WIPI2: variants seen among roughly 807,000 people sequenced by gnomAD.
WIPI2 encodes the protein WD repeat domain, phosphoinositide interacting 2.
Under a neutral mutation model 52.3 loss-of-function variants are expected in WIPI2, and 28 were observed. The ratio of observed to expected loss-of-function variants is 0.54; its 90% CI spans 0.40 to 0.73. WIPI2 has a LOEUF of 0.73. Ranked by LOEUF, WIPI2 falls within the 30% of genes least tolerant of loss-of-function variation. WIPI2 has a pLI of 0.00. For synonymous variants in WIPI2, 268 were observed against 245.0 expected (o/e 1.09, Z -0.88); for missense variants, 506 against 602.9 (o/e 0.84, Z 1.68).
intron 2 of WIPI2, among the ~76,000 whole-genome samples, chr7:5,195,140 A>G (rs1223701903): frequency 6.6e-6 from 1 of 152,172 alleles, no homozygotes; most frequent in Non-Finnish European, 1.5e-5. Flanking sequence ...GATTGAGCCA[A>G]TACATATTTT....
At chr7:5,210,306 T>A (rs984018449) in intron 3 of WIPI2, among the ~76,000 whole-genome samples, 19 of 152,228 alleles carry the variant, frequency 1.2e-4, no homozygotes, top group Non-Finnish European at 2.8e-4. Flanking sequence ...CATCAAAATA[T>A]GTCAAGGTCG....
At chr7:5,228,305 A>G in intron 11 of WIPI2, 94 bp downstream of exon 11, 2 of 1,167,240 alleles carry the variant, frequency 1.7e-6, no homozygotes, top group Non-Finnish European at 1.2e-6. Context: ...CTTGCAAACC[A>G]GTGACATAGA....
chr7:5,196,785 G>A (rs1168088998), intron 2 of WIPI2, among the ~76,000 whole-genome samples: 1 of 151,920 alleles, frequency 6.6e-6, no homozygotes, highest in Non-Finnish European at 1.5e-5. Flanking sequence ...ACAACTGTCG[G>A]CAAAACAAGA....
chr7:5,219,870 C>T (rs191867735), intron 7 of WIPI2, among the ~76,000 whole-genome samples: 29 of 151,210 alleles, frequency 1.9e-4, no homozygotes, highest in African/African-American at 6.8e-4. Flanking sequence ...CATGCTTGCT[C>T]TGTCACCCAG....
rs757714583 is a variant in WIPI2, at chr7:5,227,403, T to G, written c.1013+59T>G. The G allele has an allele frequency of 6.3e-7, 1 of 1,582,496 alleles. No homozygotes were observed. Among genetic ancestry groups the G allele is most frequent in the Admixed American group, 1.7e-5 (1 of 57,560 alleles). On this transcript the variant is annotated intron_variant, in intron 10 of 12. Coordinates refer to ENST00000288828, the MANE Select transcript of WIPI2 (RefSeq NM_015610.4). This position sits in a 1 kb window ranked among gnomAD's most constrained non-coding sequence, Gnocchi z 8.1. ...GTGTGCCTCAGGCCGAGGGGCCCAG[T>G]CCTGGCGGCTTGTGGCCCCTTCCGT... is the stretch of plus-strand genomic sequence containing the variant.
rs867597455 is a variant in WIPI2 at position 5,227,618 on chromosome 7, G to A, written c.1013+274G>A. On this transcript the variant is annotated intron_variant, in intron 10 of 12. Coordinates refer to ENST00000288828, the MANE Select transcript of WIPI2 (RefSeq NM_015610.4). This position sits in a 1 kb window ranked among gnomAD's most constrained non-coding sequence, Gnocchi z 8.1. Reference sequence around the variant, plus strand: ...TTAAGTCAAACCTCGTGAGTGTGCCGTAGTTAACCCTTTGGGGCCACAGAA... The same window carrying A: ...TTAAGTCAAACCTCGTGAGTGTGCCATAGTTAACCCTTTGGGGCCACAGAA... Among the ~76,000 whole-genome samples the A allele has an allele frequency of 6.6e-6, 1 of 152,182 alleles. No individual in the cohort carries two copies. Among genetic ancestry groups the A allele is most frequent in the Admixed American group, 6.5e-5 (1 of 15,276 alleles).
intron 3 of WIPI2, among the ~76,000 whole-genome samples, chr7:5,209,044 G>A (rs1782431158): frequency 8.0e-6 from 1 of 124,718 alleles, no homozygotes; most frequent in Non-Finnish European, 1.6e-5. Flanking sequence ...TGGTATGGAG[G>A]TCTTACATCT....
At chr7:5,207,275 C>T (rs1487230218) in intron 3 of WIPI2, among the ~76,000 whole-genome samples, 1 of 152,128 alleles carries the variant, frequency 6.6e-6, no homozygotes. Context: ...CAAGGTTTAC[C>T]ATCACTCCAG....
chr7:5,191,206 G>C (rs1282423535), intron 1 of WIPI2, among the ~76,000 whole-genome samples: 1 of 152,052 alleles, frequency 6.6e-6, no homozygotes, highest in Non-Finnish European at 1.5e-5. Flanking sequence ...ATTTGTAGTA[G>C]AGACAGGGTT....
In WIPI2 at chr7:5,220,634, C is replaced by T. The variant is rs193210137; in HGVS notation, c.670-1968C>T. Among the ~76,000 whole-genome samples, 316 of 152,012 alleles carry T rather than the reference C, an allele frequency of 2.1e-3. 1 individual carries two copies. The highest frequency in any genetic ancestry group is 7.4e-3 in the African/African-American group (306 of 41,436). On this transcript the variant is annotated intron_variant, in intron 7 of 12. Transcript: ENST00000288828. The stretch of plus-strand genomic sequence containing the variant: ...GGGACAACAGGAACGAATCATCAGG[C>T]TTAGCTGATTTTTTTGTTTTTTGTA...
chr7:5,202,966 A>C (rs755304592), intron 3 of WIPI2, among the ~76,000 whole-genome samples: 56 of 152,198 alleles, frequency 3.7e-4, no homozygotes, highest in Non-Finnish European at 7.5e-4. Context: ...CATTTGCTAA[A>C]CTGGATTCTG....
At chr7:5,212,832 C>T (rs994645135) in intron 3 of WIPI2, among the ~76,000 whole-genome samples, 1 of 152,246 alleles carries the variant, frequency 6.6e-6, no homozygotes, top group Admixed American at 6.5e-5. Context: ...CCCTCTTTCT[C>T]GCCCACCGCC....
At chr7:5,225,383 C>T (rs1468438378) in intron 8 of WIPI2, among the ~76,000 whole-genome samples, 3 of 152,090 alleles carry the variant, frequency 2.0e-5, no homozygotes, top group East Asian at 3.9e-4. Flanking sequence ...CCTCATGATC[C>T]GCCCACCTTG....
intron 2 of WIPI2, among the ~76,000 whole-genome samples, chr7:5,196,452 G>A (rs539095694): frequency 7.2e-5 from 11 of 152,218 alleles, no homozygotes; most frequent in South Asian, 2.1e-4. Context: ...CTTTCTTAAC[G>A]GATTGGAATG....
At chr7:5,192,353 TAG>T (rs1206490711) in intron 1 of WIPI2, among the ~76,000 whole-genome samples, 1 of 152,160 alleles carries the variant, frequency 6.6e-6, no homozygotes, top group Non-Finnish European at 1.5e-5. Context: ...TTGTATAAAT[TAG>T]AGAGTTTCCA....
rs1025942615 is a variant in WIPI2, at chr7:5,223,145, C to T, written c.740+473C>T. Among the ~76,000 whole-genome samples, 37 of 152,226 alleles carry T rather than the reference C, an allele frequency of 2.4e-4. 1 individual carries two copies. Among genetic ancestry groups the T allele is most frequent in the Non-Finnish European group, 8.8e-5 (6 of 68,036 alleles). ...TTCCTCCCTCCAGGCTGCAAAGCTT[C>T]CCTCATCGGTGCTTACATGCCTCCT... On this transcript the variant is annotated intron_variant, in intron 8 of 12. Transcript: ENST00000288828.
chr7:5,223,199 C>G (rs943088746), intron 8 of WIPI2, among the ~76,000 whole-genome samples: 5 of 152,230 alleles, frequency 3.3e-5, no homozygotes, highest in Admixed American at 6.5e-5. Context: ...GCAGGACTGT[C>G]CCTCCCTCGT....
At chr7:5,222,064 C>G (rs1296229945) in intron 7 of WIPI2, among the ~76,000 whole-genome samples, 1 of 151,598 alleles carries the variant, frequency 6.6e-6, no homozygotes, top group Admixed American at 6.6e-5. Context: ...ATTCTTCTGC[C>G]TCAGCCTCCC....
rs187141694 is a variant in WIPI2, at chr7:5,205,310, G to T, written c.211+5652G>T. 4.2e-3 allele frequency among the ~76,000 whole-genome samples: 643 copies of T among 152,204 alleles called. 14 individuals are homozygous for T. The highest frequency in any genetic ancestry group is 2.7e-3 in the East Asian group (14 of 5,162). On this transcript the variant is annotated intron_variant, in intron 3 of 12. Transcript: ENST00000288828. ...TAGTCTTAAGTAATGACAAAAATAT[G>T]TTCACTCCAGAGTGATTGGTCGTTC...
Sources: allele counts gnomAD v4.1 joint callset (sites outside exome capture counted in the v4.1 genomes callset), GRCh38; gene constraint gnomAD v4.1.1; non-coding constraint Gnocchi (gnomAD v3.1); transcripts MANE v1.5; gene names NCBI Gene and HGNC (gene_info 2026-07-23, HGNC 2026-07-21).